Variants in WDR12 observed in about 807,000 individuals in gnomAD.
WDR12 encodes the protein WD repeat domain 12, also known as ribosome biogenesis protein WDR12.
A neutral mutation model predicts 64.3 loss-of-function variants in WDR12; 42 were observed. The observed-to-expected ratio is 0.65, with a 90% CI of 0.51 to 0.84. The LOEUF (loss-of-function observed/expected upper bound fraction) is 0.84, where lower values mean the gene tolerates loss of function less well. WDR12 is among the 40% of genes least tolerant of loss of function. WDR12 has a pLI of 0.00. For synonymous variants in WDR12, 158 were observed against 173.3 expected (o/e 0.91, Z 0.70); for missense variants, 469 against 494.6 (o/e 0.95, Z 0.49).
At position 202,875,405 on chromosome 2, in the gene WDR12, T is replaced by TTTG; in HGVS notation, c.*5454_*5455insCAA. 1.3e-5 allele frequency: 2 copies of TTTG among 150,514 alleles called. No homozygotes were observed. The highest frequency in any genetic ancestry group is 1.9e-4 in the East Asian group (1 of 5,168). 9.3% of individuals were successfully genotyped at this position (150,514 alleles called of 1,614,324 possible). ...GTATTACTTTTTTTTTTTTTTTTTT[T>TTTG]GAGACGGAGTTTCGCTCTTGTTGCC... is the stretch of plus-strand genomic sequence containing the variant. On this transcript the variant is annotated 3_prime_UTR_variant, in exon 13 of 13. Transcript: ENST00000261015.
Position 202,894,453 on chromosome 2 carries a change from C to T in WDR12, c.655+128G>A, listed in dbSNP as rs1574406395. ...CCTAGGCTGCTCTTGAACTCGTGGC[C>T]TCAAGTGATCCTTCTACCCTGGCTT... On this transcript the variant is annotated intron_variant, in intron 7 of 12. Transcript: ENST00000261015. 8 of 713,526 alleles carry T rather than the reference C, an allele frequency of 1.1e-5. No individual in the cohort carries two copies. The East Asian group carries it at 2.1e-4, about 19-fold the overall frequency. The allele number at this position is 713,526 out of a possible 1,614,324, so 44.2% of individuals were successfully genotyped here.
chr2:202,888,293 G>A (rs6435169), intron 8 of WDR12, among the ~76,000 whole-genome samples: 13,548 of 152,264 alleles, frequency 0.089, 741 homozygotes, highest in Non-Finnish European at 0.12. Flanking sequence ...GGTTTTCAGA[G>A]GATAGAGGTG....
intron 2 of WDR12, among the ~76,000 whole-genome samples, chr2:202,903,407 T>C (rs1688385646): frequency 6.7e-6 from 1 of 148,156 alleles, no homozygotes; most frequent in Non-Finnish European, 1.5e-5. Flanking sequence ...ACCACTGTTA[T>C]TCAACACAGC....
chr2:202,880,919 C>T lies in WDR12; in HGVS notation c.1213G>A (p.Ala405Thr). ...TDTGLLLSGG[A>T]DNKLYSYRYS... ...CTGTAGGAATACAATTTATTGTCTG[C>T]TCCTCCACTCAGAAGTAGCTGTGTA... Residue 405 changes from alanine to threonine, a missense_variant, in exon 13 of 13, where the codon GCA becomes ACA. Ala to Thr is a moderately conservative substitution (Grantham distance 58, BLOSUM62 0). Transcript: ENST00000261015. 1.9e-6 allele frequency: 3 copies of T among 1,608,782 alleles called. No homozygotes were observed.
chr2:202,909,026 A>G lies in WDR12; in HGVS notation c.42-1067T>C, dbSNP rs142643240. 4.9e-4 allele frequency among the ~76,000 whole-genome samples: 75 copies of G among 152,366 alleles called. 3 individuals carry two copies. In the East Asian group the frequency reaches 0.014, roughly 29 times the overall value. On this transcript the variant is annotated intron_variant, in intron 1 of 12. Transcript: ENST00000261015. The stretch of plus-strand genomic sequence containing the variant: ...ATCCACTAGGGTGCTATAAGTAAAA[A>G]GACAGCTAATAACAAGTGTCAGTGA...
chr2:202,882,640 AT>A (rs1303998142), intron 12 of WDR12, 70 bp downstream of exon 12: 1 of 1,533,122 alleles, frequency 6.5e-7, no homozygotes. Flanking sequence ...AAACTAATAC[AT>A]TTTATAAACA....
In WDR12 at chr2:202,899,550, T is replaced by C. The variant is rs182937615; in HGVS notation, c.319A>G (p.Ile107Val). 61 of 1,613,972 alleles carry C rather than the reference T, an allele frequency of 3.8e-5. No individual in the cohort carries two copies. Among genetic ancestry groups the C allele is most frequent in the East Asian group, 3.6e-4 (16 of 44,866 alleles). Residue 107 changes from isoleucine to valine, a missense_variant, in exon 4 of 13, where the codon ATT becomes GTT. Coordinates refer to ENST00000261015, the MANE Select transcript of WDR12 (RefSeq NM_018256.4). ...CAATACCATTCCTCTGCCCCTTTAA[T>C]TGAACTGATCCAGTCATCATGGAAC... ...CMFHDDWISSIKGAEEWILTG... is the reference protein window; with the variant it reads ...CMFHDDWISSVKGAEEWILTG...
intron 2 of WDR12, among the ~76,000 whole-genome samples, chr2:202,901,982 A>G (rs1287946052): frequency 6.6e-6 from 1 of 152,184 alleles, no homozygotes; most frequent in African/African-American, 2.4e-5. Context: ...CTTGGATTAT[A>G]TCAGTCTGAT....
rs2082142 is a variant in WDR12, at chr2:202,902,901, C to T, written c.137-1782G>A. Among the ~76,000 whole-genome samples the T allele has an allele frequency of 4.7e-3, 719 of 152,206 alleles. 8 individuals carry two copies. Among genetic ancestry groups the T allele is most frequent in the African/African-American group, 0.016 (679 of 41,512 alleles). On this transcript the variant is annotated intron_variant, in intron 2 of 12. Transcript: ENST00000261015. ...ACCAGCCTGACCAGCATGGTGAAAC[C>T]CCGTCTCTACTAAAACTACAAAAAT... is the stretch of plus-strand genomic sequence containing the variant.
chr2:202,911,449 T>C lies in WDR12; in HGVS notation c.28A>G (p.Thr10Ala), dbSNP rs371468218. The C allele has an allele frequency of 4.3e-6, 7 of 1,614,014 alleles. No homozygotes were observed. The African/African-American group carries it at 5.3e-5, about 12-fold the overall frequency. ...ACGCTTACTTACTTCTTGTTATCAG[T>C]GTAGAAGCGTGTTTGGAGCTGAGCC... MAQLQTRFY[T>A]DNKKYAVDDV... Residue 10 changes from threonine (T) to alanine (A), a missense_variant, in exon 1 of 13, where the codon ACT (threonine) becomes GCT (alanine). Physicochemically the swap from Thr to Ala is moderately conservative, Grantham distance 58 (BLOSUM62 0). Transcript: ENST00000261015.
chr2:202,899,691 C>G (rs1215969804), intron 3 of WDR12, 54 bp from the exon 4 acceptor site: 12 of 1,492,440 alleles, frequency 8.0e-6, no homozygotes, highest in Non-Finnish European at 1.1e-5. Context: ...TAAAATATTA[C>G]ATTATGAAGA....
chr2:202,884,502 C>A lies in WDR12; in HGVS notation c.775G>T (p.Ala259Ser). 6.2e-7 allele frequency: 1 copy of A among 1,614,142 alleles called. No individual in the cohort carries two copies. ...PIVTLSGHME[A>S]VSSVLWSDAE... ...TCTGACCACAGAACTGAGGAAACTG[C>A]CTCCATGTGGCCAGAGAGGGTCACT... The change falls in exon 9 of 13, where the codon GCA becomes TCA. Residue 259 changes from alanine (A) to serine (S), a missense_variant. Coordinates refer to ENST00000261015, the MANE Select transcript of WDR12 (RefSeq NM_018256.4).
intron 6 of WDR12, 85 bp downstream of exon 6, chr2:202,895,980 A>C: frequency 6.8e-7 from 1 of 1,479,890 alleles, no homozygotes; most frequent in Non-Finnish European, 9.1e-7. Context: ...CTAGGCCAAC[A>C]CAATGAATAT....
chr2:202,882,964 C>T, intron 11 of WDR12, 181 bp from the exon 12 acceptor site: 1 of 508,626 alleles, frequency 2.0e-6, no homozygotes, highest in Non-Finnish European at 3.5e-6. Flanking sequence ...CATTGGTAGA[C>T]CACAGACATT....
intron 4 of WDR12, among the ~76,000 whole-genome samples, chr2:202,898,377 C>T (rs1383501362): frequency 6.6e-6 from 1 of 152,198 alleles, no homozygotes; most frequent in Admixed American, 6.5e-5. Flanking sequence ...TCTCAAACTT[C>T]TGATCTCAAG....
At chr2:202,897,049 ATG>A (rs913646808) in intron 5 of WDR12, among the ~76,000 whole-genome samples, 2 of 152,182 alleles carry the variant, frequency 1.3e-5, no homozygotes, top group African/African-American at 4.8e-5. Context: ...TAAAAGATGA[ATG>A]TAATACATTC....
intron 8 of WDR12, among the ~76,000 whole-genome samples, chr2:202,890,758 G>GA (rs1688141193): frequency 7.0e-6 from 1 of 142,572 alleles, no homozygotes; most frequent in Admixed American, 7.2e-5. Context: ...GTGACAGAGC[G>GA]AGACTCCGTC....
At chr2:202,906,843 C>T (rs1688466602) in intron 2 of WDR12, among the ~76,000 whole-genome samples, 1 of 152,032 alleles carries the variant, frequency 6.6e-6, no homozygotes, top group Non-Finnish European at 1.5e-5. Flanking sequence ...TTAAAAAATA[C>T]TTTATTATAG....
At chr2:202,886,014 G>A (rs1209013344) in intron 8 of WDR12, among the ~76,000 whole-genome samples, 1 of 152,034 alleles carries the variant, frequency 6.6e-6, no homozygotes, top group Non-Finnish European at 1.5e-5. Context: ...CTACCATCAC[G>A]CCACTGCACT....
Sources: gnomAD v4.1 joint callset for allele counts (sites outside exome capture counted in the v4.1 genomes callset) on GRCh38, gnomAD v4.1.1 for gene constraint, MANE v1.5 for transcripts, NCBI Gene and HGNC (gene_info 2026-07-23, HGNC 2026-07-21) for gene names.